Variants in U2SURP observed in about 807,000 individuals in gnomAD.
U2SURP encodes U2 snRNP associated SURP domain containing, also known as U2 snRNP-associated SURP motif-containing protein.
In U2SURP, 9 loss-of-function variants were observed where a neutral mutation model predicts 144.9. The observed-to-expected ratio is 0.06, with a 90% confidence interval of 0.04 to 0.11. U2SURP has a LOEUF of 0.11. U2SURP is among the 10% of genes least tolerant of loss of function. The pLI, the probability that U2SURP is intolerant of heterozygous loss-of-function variation, is 1.00. For synonymous variants in U2SURP, 408 were observed against 396.8 expected (o/e 1.03, Z -0.33); for missense variants, 724 against 1,226.7 (o/e 0.59, Z 6.12).
chr3:143,028,452 G>T (rs768535432), intron 15 of U2SURP, 31 bp from the exon 16 acceptor site: 1 of 1,606,062 alleles, frequency 6.2e-7, no homozygotes, highest in East Asian at 2.2e-5. Context: ...TGAGTAATTA[G>T]ACCTTTATAA....
chr3:143,022,384 T>G, intron 10 of U2SURP, 113 bp from the exon 11 acceptor site: 1 of 971,770 alleles, frequency 1.0e-6, no homozygotes. Context: ...AAATGGAAAA[T>G]TGAAGCACGT....
At chr3:143,020,321 G>A (rs1336720678) in intron 7 of U2SURP, among the ~76,000 whole-genome samples, 4 of 152,106 alleles carry the variant, frequency 2.6e-5, no homozygotes, top group African/African-American at 7.2e-5. Flanking sequence ...GGGAGTGAGG[G>A]GCAGTTAGAC....
At position 143,055,009 on chromosome 3, in the gene U2SURP, A is replaced by T. The variant is rs374301725; in HGVS notation, c.2841A>T (p.Pro947=). Residue 947 remains proline (P), a synonymous_variant, in exon 27 of 28, where the codon CCA becomes CCT. Transcript: ENST00000473835. ...RSSSGRRVKS[P]SPKSERSERS... is the part of the protein sequence containing the mutation. ...GCAGTGGTAGACGAGTGAAATCCCC[A>T]TCACCAAAATCGGAGCGATCAGAGC... 1 of 1,609,318 alleles carries T rather than the reference A, an allele frequency of 6.2e-7. No homozygotes were observed. The highest frequency in any genetic ancestry group is 8.5e-7 in the Non-Finnish European group (1 of 1,177,886).
intron 1 of U2SURP, among the ~76,000 whole-genome samples, chr3:143,007,542 C>T (rs941671037): frequency 4.6e-5 from 7 of 150,556 alleles, no homozygotes; most frequent in Admixed American, 6.6e-5. Flanking sequence ...CCCGGGTTCA[C>T]GTCATTCTCC....
chr3:143,046,141 A>G (rs1035722677), intron 24 of U2SURP, among the ~76,000 whole-genome samples: 4 of 152,046 alleles, frequency 2.6e-5, no homozygotes, highest in Admixed American at 2.6e-4. Context: ...AGATACCTAT[A>G]GCTGAACAGT....
At chr3:143,031,441 C>CACCACCCTAACCTTCAGCTACT (rs1222544740) in intron 16 of U2SURP, among the ~76,000 whole-genome samples, 2 of 114,078 alleles carry the variant, frequency 1.8e-5, no homozygotes, top group Non-Finnish European at 4.4e-5. Context: ...CTTCAGCTAC[C>CACCACCCTAACCTTCAGCTACT]ACCACCCTAA....
In U2SURP at chr3:143,036,116, GTA is replaced by G; in HGVS notation, c.2064+14_2064+15del. 6.3e-7 allele frequency: 1 copy of G among 1,585,182 alleles called. No homozygotes were observed. Among genetic ancestry groups the G allele is most frequent in the Non-Finnish European group, 8.5e-7 (1 of 1,170,224 alleles). ...AAAAGGAAACAGAGGTAGGCAGTCTGTATTTGTCTGGTTGTTTTTAAAATTCG... is the reference window on the plus strand; with the variant it reads ...AAAAGGAAACAGAGGTAGGCAGTCTGTTTGTCTGGTTGTTTTTAAAATTCG... On this transcript the variant is annotated intron_variant, in intron 20 of 27. Coordinates refer to ENST00000473835, the MANE Select transcript of U2SURP (RefSeq NM_001080415.2).
Position 143,014,282 on chromosome 3 carries a change from T to G in U2SURP, c.223-29T>G, listed in dbSNP as rs370304119. The G allele has an allele frequency of 2.8e-6, 4 of 1,445,482 alleles. No individual in the cohort carries two copies. In the Admixed American group the frequency reaches 7.8e-5, roughly 28 times the overall value. The allele number at this position is 1,445,482 out of a possible 1,614,324, so 89.5% of individuals were successfully genotyped here. A position where few individuals can be genotyped will look rare whatever the true frequency, so the allele number is the denominator to read the frequency against. On this transcript the variant is annotated intron_variant, in intron 3 of 27. Transcript: ENST00000473835. ...AGTTTTAGATAGCATTAAGAATCTATATGTAAAAGTATGCTTTTTATTTCT... is the reference window on the plus strand; with the variant it reads ...AGTTTTAGATAGCATTAAGAATCTAGATGTAAAAGTATGCTTTTTATTTCT...
intron 7 of U2SURP, 48 bp downstream of exon 7, chr3:143,020,084 A>T (rs1325301904): frequency 1.7e-6 from 2 of 1,167,472 alleles, no homozygotes; most frequent in Non-Finnish European, 2.4e-6. Flanking sequence ...TATTGAGCTG[A>T]TACATAAACA....
intron 24 of U2SURP, 145 bp downstream of exon 24, chr3:143,043,421 G>A: frequency 2.5e-6 from 2 of 813,502 alleles, no homozygotes; most frequent in Non-Finnish European, 3.6e-6. Context: ...CTTTTCTTCA[G>A]GCCTCTTAGT....
intron 23 of U2SURP, 118 bp from the exon 24 acceptor site, chr3:143,042,999 A>G (rs1934197441): frequency 7.0e-6 from 7 of 996,672 alleles, no homozygotes; most frequent in Non-Finnish European, 9.9e-6. Flanking sequence ...GAATTGTCCT[A>G]TTATGTTTTG....
At chr3:143,044,804 A>G (rs1396964370) in intron 24 of U2SURP, among the ~76,000 whole-genome samples, 1 of 152,184 alleles carries the variant, frequency 6.6e-6, no homozygotes, top group African/African-American at 2.4e-5. Context: ...TTGGGCTGAT[A>G]AAAGTTCTTG....
intron 24 of U2SURP, among the ~76,000 whole-genome samples, chr3:143,049,633 CAAG>C (rs917858956): frequency 2.6e-5 from 4 of 152,170 alleles, no homozygotes; most frequent in African/African-American, 4.8e-5. Context: ...CCGTAGAATT[CAAG>C]AAGAAGGTAT....
chr3:143,011,370 A>G (rs1179000578), intron 2 of U2SURP, among the ~76,000 whole-genome samples: 1 of 152,128 alleles, frequency 6.6e-6, no homozygotes, highest in Non-Finnish European at 1.5e-5. Flanking sequence ...TTTTTTTAAT[A>G]TATGTTATTA....
At position 143,056,547 on chromosome 3, in the gene U2SURP, C is replaced by G; in HGVS notation, c.*97C>G. 6.8e-7 allele frequency: 1 copy of G among 1,460,218 alleles called. No individual in the cohort carries two copies. The highest frequency in any genetic ancestry group is 9.2e-7 in the Non-Finnish European group (1 of 1,088,330). 90.5% of individuals were successfully genotyped at this position (1,460,218 alleles called of 1,614,324 possible). On this transcript the variant is annotated 3_prime_UTR_variant, in exon 28 of 28. Transcript: ENST00000473835. ...AAAAACAAAAAATCAAATGAAAGAG[C>G]ATTCCTGGGGTTTTTTGTTTGTTTG...
chr3:143,014,144 C>G (rs1480898536), intron 3 of U2SURP, among the ~76,000 whole-genome samples, 167 bp from the exon 4 acceptor site: 1 of 151,286 alleles, frequency 6.6e-6, no homozygotes, highest in African/African-American at 2.4e-5. Flanking sequence ...ACATCAGAGT[C>G]AAGTAAGATA....
At position 143,028,590 on chromosome 3, in the gene U2SURP, G is replaced by T. The variant is rs1191230248; in HGVS notation, c.1554G>T (p.Glu518Asp). The change falls in exon 16 of 28, where the codon GAG (glutamate) becomes GAT (aspartate). Residue 518 changes from glutamate to aspartate, a missense_variant. Transcript: ENST00000473835. ...LNPYLHGMSE[E>D]QETEAFVEEP... ...CGTACTTGCATGGAATGTCAGAAGA[G>T]CAAGAAACAGAAGCTTTTGTAGAGG... 2.5e-6 allele frequency: 4 copies of T among 1,604,202 alleles called. No individual in the cohort carries two copies. The highest frequency in any genetic ancestry group is 3.4e-6 in the Non-Finnish European group (4 of 1,177,446).
rs755038890 is a variant in U2SURP, at chr3:143,001,616, G to A, written c.-13G>A. 6.8e-6 allele frequency: 11 copies of A among 1,613,760 alleles called. No individual in the cohort carries two copies. In the African/African-American group the frequency reaches 1.2e-4, roughly 18 times the overall value. ...GTGCTGCTGCCGCCGCCGAAGGAGG[G>A]GCAAAGCTCAAGATGGCGGACAAAA... On this transcript the variant is annotated 5_prime_UTR_variant, in exon 1 of 28. Coordinates refer to ENST00000473835, the MANE Select transcript of U2SURP (RefSeq NM_001080415.2).
intron 24 of U2SURP, among the ~76,000 whole-genome samples, chr3:143,047,663 C>T (rs867514804): frequency 3.7e-5 from 2 of 53,778 alleles, no homozygotes; most frequent in Admixed American, 1.8e-4. Context: ...GGCGGCTGGC[C>T]GGGCAGAGGG....
Sources: allele counts gnomAD v4.1 joint callset (sites outside exome capture counted in the v4.1 genomes callset), GRCh38; gene constraint gnomAD v4.1.1; transcripts MANE v1.5; gene names NCBI Gene and HGNC (gene_info 2026-07-23, HGNC 2026-07-21).